The following GGA2 variants were observed in gnomAD, a reference collection of about 807,000 sequenced individuals.
GGA2 encodes golgi associated, gamma adaptin ear containing, ARF binding protein 2, also known as ADP-ribosylation factor-binding protein GGA2.
A neutral mutation model predicts 79.5 loss-of-function variants in GGA2; 48 were observed. The observed-to-expected ratio is 0.60, with a 90% CI of 0.48 to 0.77. The LOEUF (loss-of-function observed/expected upper bound fraction) is 0.77. Among genes scored for constraint, GGA2 ranks in the 30% least tolerant of loss-of-function variants. GGA2 has a pLI of 0.00. For synonymous variants in GGA2, 317 were observed against 302.0 expected (o/e 1.05, Z -0.51); for missense variants, 770 against 774.0 (o/e 0.99, Z 0.06).
chr16:23,479,420 A>G (rs1193618476), intron 11 of GGA2, among the ~76,000 whole-genome samples: 2 of 134,060 alleles, frequency 1.5e-5, no homozygotes, highest in Non-Finnish European at 3.1e-5. Flanking sequence ...GGTCCAGCTC[A>G]CTCTCCTACT....
In GGA2 at chr16:23,510,449, C is replaced by A. The variant is rs1051525697; in HGVS notation, c.-38G>T. On this transcript the variant is annotated 5_prime_UTR_variant, in exon 1 of 17. Transcript: ENST00000309859. ...GACGCTGCGGCCGCGGGCGCCACTG[C>A]CTCTTCAGCCGCTGTAGCGTCCTGG... 7.4e-6 allele frequency: 6 copies of A among 806,742 alleles called. No individual in the cohort carries two copies. Among genetic ancestry groups the A allele is most frequent in the Non-Finnish European group, 1.0e-5 (6 of 583,714 alleles). 50.0% of individuals were successfully genotyped at this position (806,742 alleles called of 1,614,324 possible).
At chr16:23,520,253 CAAAAAAAAA>C (rs3071381) in intron 1 of GGA2, among the ~76,000 whole-genome samples, 10 of 114,420 alleles carry the variant, frequency 8.7e-5, no homozygotes, top group East Asian at 2.6e-4. Context: ...AACTACGTCT[CAAAAAAAAA>C]AAAAAAAAAG....
upstream of GGA2, chr16:23,510,533 T>C (rs1025123975): frequency 7.7e-6 from 3 of 388,678 alleles, no homozygotes; most frequent in Non-Finnish European, 8.8e-6. Flanking sequence ...GCGGGGCCGC[T>C]GGCGCCACGC....
chr16:23,465,683 G>A lies in GGA2; in HGVS notation c.*1907C>T, dbSNP rs1209678360. 1.3e-5 allele frequency: 5 copies of A among 375,778 alleles called. No homozygotes were observed. Among genetic ancestry groups the A allele is most frequent in the African/African-American group, 4.1e-5 (2 of 48,634 alleles). The allele number at this position is 375,778 out of a possible 1,614,324, so 23.3% of individuals were successfully genotyped here. A position where few individuals can be genotyped will look rare whatever the true frequency, so the allele number is the denominator to read the frequency against. ...AGGCCGGGTGCGGTGGCTCACGCCT[G>A]TAATCCCAGCACTCTGGGAGGCCAA... On this transcript the variant is annotated 3_prime_UTR_variant, in exon 17 of 17. Coordinates refer to ENST00000309859, the MANE Select transcript of GGA2 (RefSeq NM_015044.4).
chr16:23,487,598 T>A (rs1326536470), intron 6 of GGA2, among the ~76,000 whole-genome samples: 1 of 152,072 alleles, frequency 6.6e-6, no homozygotes, highest in Non-Finnish European at 1.5e-5. Context: ...AGTCACTCAA[T>A]CTTTGTGGGA....
At chr16:23,496,166 GGT>G (rs1171301126) in intron 1 of GGA2, among the ~76,000 whole-genome samples, 1 of 151,830 alleles carries the variant, frequency 6.6e-6, no homozygotes, top group East Asian at 1.9e-4. Flanking sequence ...AGCCAGGCAT[GGT>G]GATCCATGCC....
chr16:23,509,046 T>C (rs1457427293), intron 1 of GGA2, among the ~76,000 whole-genome samples: 1 of 151,952 alleles, frequency 6.6e-6, no homozygotes, highest in Non-Finnish European at 1.5e-5. Flanking sequence ...AAAAGAGCTT[T>C]TTAGCCGCTC....
Position 23,478,486 on chromosome 16 carries a change from A to G in GGA2, c.1174T>C (p.Cys392Arg), listed in dbSNP as rs961606916. 1.2e-6 allele frequency: 2 copies of G among 1,607,586 alleles called. No individual in the cohort carries two copies. The highest frequency in any genetic ancestry group is 3.4e-5 in the Admixed American group (2 of 59,576). Residue 392 changes from cysteine to arginine, a missense_variant, in exon 13 of 17, where the codon TGC (cysteine) becomes CGC (arginine). Coordinates refer to ENST00000309859, the MANE Select transcript of GGA2 (RefSeq NM_015044.4). ...GAGGGATTCCTCTTTTCCTCACAGCAATTCTGACCAGAAACCTGTCAAATC... is the reference window on the plus strand; with the variant it reads ...GAGGGATTCCTCTTTTCCTCACAGCGATTCTGACCAGAAACCTGTCAAATC... ...PVTGMVSGQN[C>R]CEEKRNPSSS...
chr16:23,482,381 T>A (rs1964659092), intron 9 of GGA2, among the ~76,000 whole-genome samples: 1 of 152,316 alleles, frequency 6.6e-6, no homozygotes, highest in African/African-American at 2.4e-5. Context: ...TATGAGCTGG[T>A]AATTATTAAA....
At chr16:23,496,433 C>T (rs188464185) in intron 1 of GGA2, among the ~76,000 whole-genome samples, 1 of 151,994 alleles carries the variant, frequency 6.6e-6, no homozygotes, top group East Asian at 1.9e-4. Context: ...TGGCCTGTGA[C>T]AAGCGGAGAC....
chr16:23,499,201 G>A (rs1157961937), intron 1 of GGA2, among the ~76,000 whole-genome samples: 3 of 149,238 alleles, frequency 2.0e-5, no homozygotes, highest in Non-Finnish European at 3.0e-5. Context: ...CTGGTGTGCA[G>A]CGGCACAATC....
upstream of GGA2, chr16:23,523,880 T>C (rs1368809430): frequency 1.3e-5 from 2 of 156,448 alleles, no homozygotes; most frequent in Non-Finnish European, 2.8e-5. Flanking sequence ...AAGGACACAG[T>C]GAGAAGACAG....
chr16:23,499,389 C>A (rs1471201866), intron 1 of GGA2, among the ~76,000 whole-genome samples: 1 of 152,098 alleles, frequency 6.6e-6, no homozygotes, highest in East Asian at 1.9e-4. Flanking sequence ...CGTGATCCGT[C>A]CACCTCAGCC....
intron 5 of GGA2, among the ~76,000 whole-genome samples, chr16:23,491,306 C>CAAAA (rs35347154): frequency 3.9e-4 from 26 of 66,484 alleles, no homozygotes; most frequent in African/African-American, 1.4e-3. Context: ...CACCTTGTCT[C>CAAAA]AAAAAAAAAA....
intron 9 of GGA2, 138 bp from the exon 10 acceptor site, chr16:23,480,908 TCATC>T: frequency 1.3e-6 from 1 of 783,368 alleles, no homozygotes; most frequent in Non-Finnish European, 2.1e-6. Context: ...CCAGGTTGTG[TCATC>T]GGACCCTATC....
Position 23,474,804 on chromosome 16 carries a change from A to G in GGA2, c.1450+100T>C, listed in dbSNP as rs1964555866. ...AAAATCTCTCCCATTTATCAACCAA[A>G]TTTAAGGGCCACCTCTATCAAACTG... On this transcript the variant is annotated intron_variant, in intron 14 of 16. Transcript: ENST00000309859. The G allele has an allele frequency of 4.3e-6, 4 of 925,842 alleles. No homozygotes were observed. The Admixed American group carries it at 7.8e-5, about 18-fold the overall frequency. 57.4% of individuals were successfully genotyped at this position (925,842 alleles called of 1,614,324 possible). A position where few individuals can be genotyped will look rare whatever the true frequency, so the allele number is the denominator to read the frequency against.
chr16:23,472,010 G>T (rs1037278382), intron 14 of GGA2, among the ~76,000 whole-genome samples: 1 of 151,966 alleles, frequency 6.6e-6, no homozygotes, highest in Non-Finnish European at 1.5e-5. Context: ...AGAGTATGGG[G>T]AAAAAAAGCA....
At chr16:23,488,986 T>C (rs138633096) in intron 5 of GGA2, among the ~76,000 whole-genome samples, 21 of 152,294 alleles carry the variant, frequency 1.4e-4, no homozygotes, top group African/African-American at 4.6e-4. Context: ...TGTAAAAGCA[T>C]GGATCAGTTT....
chr16:23,475,350 C>T (rs561662255), intron 13 of GGA2, among the ~76,000 whole-genome samples: 13 of 151,696 alleles, frequency 8.6e-5, no homozygotes, highest in African/African-American at 3.1e-4. Context: ...CCACCATGTC[C>T]GACTAATTTT....
Sources: gnomAD v4.1 joint callset for allele counts (sites outside exome capture counted in the v4.1 genomes callset) on GRCh38, gnomAD v4.1.1 for gene constraint, MANE v1.5 for transcripts, NCBI Gene and HGNC (gene_info 2026-07-23, HGNC 2026-07-21) for gene names.